ERBB4: variants seen among roughly 807,000 people sequenced by gnomAD.
The protein encoded by ERBB4 is erb-b2 receptor tyrosine kinase 4.
ERBB4 carries 42 observed loss-of-function variants against 158.0 expected under a neutral mutation model. The ratio of observed to expected loss-of-function variants is 0.27; its 90% CI spans 0.21 to 0.34. The LOEUF (loss-of-function observed/expected upper bound fraction) is 0.34. ERBB4 is among the 10% of genes least tolerant of loss of function. The pLI, the probability that ERBB4 is intolerant of heterozygous loss-of-function variation, is 1.00. For missense variants in ERBB4, 1,333 were observed against 1,624.1 expected (o/e 0.82, Z 3.08); for synonymous variants, 583 against 558.7 (o/e 1.04, Z -0.61).
intron 1 of ERBB4, among the ~76,000 whole-genome samples, chr2:212,457,595 T>A (rs1260322865): frequency 1.3e-5 from 2 of 152,122 alleles, no homozygotes; most frequent in Non-Finnish European, 2.9e-5. Flanking sequence ...TCTATTGGCA[T>A]AATTTGGCTT....
At chr2:211,902,155 A>G (rs894899689) in intron 3 of ERBB4, among the ~76,000 whole-genome samples, 9 of 152,194 alleles carry the variant, frequency 5.9e-5, no homozygotes, top group Admixed American at 3.9e-4. Flanking sequence ...TGTACTATAC[A>G]TGCTTCTTTG....
intron 3 of ERBB4, among the ~76,000 whole-genome samples, chr2:211,831,145 A>G (rs912670106): frequency 1.3e-5 from 2 of 152,178 alleles, no homozygotes; most frequent in Admixed American, 1.3e-4. Context: ...TAATTAAAGA[A>G]TCTCTAATTA....
chr2:211,705,710 T>A (rs2073413018), intron 9 of ERBB4, among the ~76,000 whole-genome samples: 1 of 152,214 alleles, frequency 6.6e-6, no homozygotes, highest in African/African-American at 2.4e-5. Flanking sequence ...GTTTTAAAAG[T>A]TTATTCTTGA....
chr2:211,404,438 C>G (rs143570631), intron 25 of ERBB4, among the ~76,000 whole-genome samples: 4 of 152,180 alleles, frequency 2.6e-5, no homozygotes, highest in East Asian at 3.9e-4. Flanking sequence ...ACAGCCTGCT[C>G]TCAATATAAT....
intron 3 of ERBB4, among the ~76,000 whole-genome samples, chr2:211,897,514 C>T (rs572921735): frequency 2.2e-4 from 33 of 151,820 alleles, no homozygotes; most frequent in Non-Finnish European, 4.3e-4. Context: ...TGAAAGCAGA[C>T]GTGCAAAATT....
chr2:211,702,914 A>G (rs987363121), intron 11 of ERBB4, among the ~76,000 whole-genome samples: 2 of 152,032 alleles, frequency 1.3e-5, no homozygotes, highest in South Asian at 2.1e-4. Context: ...TATAGTCCAC[A>G]TTTTTGTAAT....
At chr2:211,621,131 A>G (rs1410751681) in intron 18 of ERBB4, among the ~76,000 whole-genome samples, 1 of 152,066 alleles carries the variant, frequency 6.6e-6, no homozygotes, top group African/African-American at 2.4e-5. Flanking sequence ...AAATACATAA[A>G]TAAAATTAAA....
intron 3 of ERBB4, among the ~76,000 whole-genome samples, chr2:211,805,807 AATTCT>A (rs1161525044): frequency 6.6e-6 from 1 of 152,118 alleles, no homozygotes; most frequent in East Asian, 1.9e-4. Context: ...ATACAAAAAA[AATTCT>A]ATTCTATAGG....
intron 2 of ERBB4, among the ~76,000 whole-genome samples, chr2:212,082,916 A>C (rs879363990): frequency 2.6e-5 from 4 of 152,006 alleles, no homozygotes; most frequent in Non-Finnish European, 5.9e-5. Flanking sequence ...AATCAGCCTT[A>C]AGTGTATATA....
At chr2:212,123,402 CACAAA>C (rs748482439) in intron 2 of ERBB4, among the ~76,000 whole-genome samples, 2 of 152,130 alleles carry the variant, frequency 1.3e-5, no homozygotes, top group Non-Finnish European at 2.9e-5. Flanking sequence ...GACTCCATCT[CACAAA>C]ACAAAACAAA....
chr2:211,676,637 A>G lies in ERBB4; in HGVS notation c.1622+2415T>C, dbSNP rs180708327. ...GTTCTAGCATTGGCTTGAGTCCTAT[A>G]TAGTGTTGCGAGTTCAGCCCATACT... On this transcript the variant is annotated intron_variant, in intron 13 of 27. Coordinates refer to ENST00000342788, the MANE Select transcript of ERBB4 (RefSeq NM_005235.3). 9.7e-4 allele frequency among the ~76,000 whole-genome samples: 147 copies of G among 152,300 alleles called. 1 individual carries two copies. Among genetic ancestry groups the G allele is most frequent in the East Asian group, 1.4e-3 (7 of 5,184 alleles).
intron 1 of ERBB4, among the ~76,000 whole-genome samples, chr2:212,303,024 G>T (rs1199294309): frequency 1.3e-5 from 2 of 151,426 alleles, no homozygotes; most frequent in Admixed American, 6.6e-5. Flanking sequence ...AATGGGGAAA[G>T]AAGAGGAGTG....
Position 211,773,632 on chromosome 2 carries a change from AT to A in ERBB4, c.556+14392del, listed in dbSNP as rs1323364226. 4.6e-4 allele frequency among the ~76,000 whole-genome samples: 39 copies of A among 84,204 alleles called. 1 individual carries two copies. Among genetic ancestry groups the A allele is most frequent in the African/African-American group, 2.5e-3 (36 of 14,322 alleles). The allele number at this position is 84,204 out of a possible 152,430, so 55.2% of individuals were successfully genotyped here. On this transcript the variant is annotated intron_variant, in intron 4 of 27. Transcript: ENST00000342788. The stretch of plus-strand genomic sequence containing the variant: ...TATATATATATATATATATATATAT[AT>A]ATATATATATATATAATATATATAC...
At chr2:212,454,506 T>G (rs1407199659) in intron 1 of ERBB4, among the ~76,000 whole-genome samples, 1 of 152,188 alleles carries the variant, frequency 6.6e-6, no homozygotes, top group African/African-American at 2.4e-5. Flanking sequence ...TGTTAGAATC[T>G]CTATAATAAT....
intron 3 of ERBB4, among the ~76,000 whole-genome samples, chr2:211,907,896 A>G (rs1163251123): frequency 4.6e-5 from 7 of 151,780 alleles, no homozygotes; most frequent in Admixed American, 4.6e-4. Context: ...GGAAGAATTA[A>G]AACCTTATGC....
chr2:211,600,559 CAATT>C (rs1160448455), intron 19 of ERBB4, among the ~76,000 whole-genome samples: 1 of 152,076 alleles, frequency 6.6e-6, no homozygotes, highest in Non-Finnish European at 1.5e-5. Flanking sequence ...ACAAGAATAA[CAATT>C]AAAATCCTTA....
At chr2:211,495,644 A>T (rs2065450086) in intron 20 of ERBB4, among the ~76,000 whole-genome samples, 1 of 152,042 alleles carries the variant, frequency 6.6e-6, no homozygotes, top group African/African-American at 2.4e-5. Context: ...TTTCCTCTCT[A>T]CTAGGCACAC....
chr2:211,720,437 T>C (rs758035744), intron 7 of ERBB4, among the ~76,000 whole-genome samples: 1 of 152,250 alleles, frequency 6.6e-6, no homozygotes, highest in Non-Finnish European at 1.5e-5. Context: ...AACTCAATGA[T>C]GAATTTCTCC....
chr2:212,183,205 C>T (rs970814731), intron 1 of ERBB4, among the ~76,000 whole-genome samples: 2 of 151,734 alleles, frequency 1.3e-5, no homozygotes, highest in African/African-American at 4.8e-5. Context: ...CCCTAAAGCT[C>T]TGAAGTACCA....
Sources: allele counts gnomAD v4.1 joint callset (sites outside exome capture counted in the v4.1 genomes callset), GRCh38; gene constraint gnomAD v4.1.1; transcripts MANE v1.5; gene names NCBI Gene and HGNC (gene_info 2026-07-23, HGNC 2026-07-21).